SERGEF: variants seen among roughly 807,000 people sequenced by gnomAD.
SERGEF encodes secretion regulating guanine nucleotide exchange factor.
SERGEF carries 51 observed loss-of-function variants against 50.0 expected under a neutral mutation model. The observed-to-expected ratio is 1.02, with a 90% confidence interval of 0.81 to 1.29. SERGEF has a LOEUF of 1.29. SERGEF is among the 50% of genes most tolerant of loss of function. The pLI is 0.00. For synonymous variants in SERGEF, 205 were observed against 212.4 expected (o/e 0.97, Z 0.30); for missense variants, 521 against 557.0 (o/e 0.94, Z 0.65).
chr11:17,928,114 T>A (rs1228790916), intron 9 of SERGEF, among the ~76,000 whole-genome samples: 1 of 152,224 alleles, frequency 6.6e-6, no homozygotes, highest in South Asian at 2.1e-4. Flanking sequence ...GAACCAAGCA[T>A]TAGTGAATCC....
intron 9 of SERGEF, among the ~76,000 whole-genome samples, chr11:17,938,071 A>C (rs1044149956): frequency 2.0e-5 from 3 of 152,210 alleles, no homozygotes; most frequent in African/African-American, 7.2e-5. Context: ...TAACACCACA[A>C]GTAGTAAAAG....
In SERGEF at chr11:17,995,901, T is replaced by C. The variant is rs572283223; in HGVS notation, c.517A>G (p.Ile173Val). The stretch of plus-strand genomic sequence containing the variant: ...AAACCAGTCCCCCACTGGAACACGA[T>C]GCCACTCGCTTCCCAACAGAATGGA... The part of the protein sequence containing the change: ...RHAVAATASG[I>V]VFQWGTGLAS... Residue 173 changes from isoleucine to valine, a missense_variant, in exon 6 of 11, where the codon ATC (isoleucine) becomes GTC (valine). Ile to Val is a conservative substitution (Grantham distance 29). Coordinates refer to ENST00000265965, the MANE Select transcript of SERGEF (RefSeq NM_012139.4). The C allele has an allele frequency of 3.1e-6, 5 of 1,612,170 alleles. No individual in the cohort carries two copies. Among genetic ancestry groups the C allele is most frequent in the Non-Finnish European group, 4.2e-6 (5 of 1,178,418 alleles).
intron 9 of SERGEF, among the ~76,000 whole-genome samples, chr11:17,936,930 G>A (rs1472175475): frequency 1.3e-5 from 2 of 152,162 alleles, no homozygotes; most frequent in Non-Finnish European, 2.9e-5. Context: ...CCTAATCCTA[G>A]AAATCCTTCC....
At chr11:17,878,372 C>T in intron 9 of SERGEF, 128 bp from the exon 10 acceptor site, 1 of 643,840 alleles carries the variant, frequency 1.6e-6, no homozygotes, top group Non-Finnish European at 2.7e-6. Flanking sequence ...TAGAAAGAAG[C>T]ATCACATACA....
chr11:17,844,847 G>C (rs867697121), intron 10 of SERGEF, among the ~76,000 whole-genome samples: 1 of 151,750 alleles, frequency 6.6e-6, no homozygotes, highest in Middle Eastern at 3.4e-3. Context: ...GGGCCACACT[G>C]GAAGAAGAAT....
At chr11:17,843,700 C>T (rs1850549610) in intron 10 of SERGEF, among the ~76,000 whole-genome samples, 1 of 152,176 alleles carries the variant, frequency 6.6e-6, no homozygotes, top group Non-Finnish European at 1.5e-5. Context: ...ACCCACTGTT[C>T]ACTGAGCACT....
chr11:17,937,344 C>T (rs1852471498), intron 9 of SERGEF, among the ~76,000 whole-genome samples: 1 of 152,054 alleles, frequency 6.6e-6, no homozygotes, highest in Non-Finnish European at 1.5e-5. Flanking sequence ...TTAGCTTGGC[C>T]AACATAACCA....
intron 10 of SERGEF, among the ~76,000 whole-genome samples, chr11:17,875,627 G>A (rs758359061): frequency 6.6e-6 from 1 of 152,250 alleles, no homozygotes; most frequent in African/African-American, 2.4e-5. Context: ...AGTCTGTTTC[G>A]TCTCTACAAA....
chr11:17,904,173 G>T (rs1851797982), intron 9 of SERGEF, among the ~76,000 whole-genome samples: 2 of 152,210 alleles, frequency 1.3e-5, no homozygotes, highest in South Asian at 4.1e-4. Context: ...GGCTAATGAG[G>T]GCTCCAAGAA....
At chr11:17,932,973 A>G (rs537288901) in intron 9 of SERGEF, among the ~76,000 whole-genome samples, 2 of 152,344 alleles carry the variant, frequency 1.3e-5, no homozygotes, top group East Asian at 3.9e-4. Flanking sequence ...TTTAACTCCA[A>G]CTAAGTTTTA....
chr11:17,805,093 A>G (rs1849733633), intron 10 of SERGEF, among the ~76,000 whole-genome samples: 2 of 152,276 alleles, frequency 1.3e-5, no homozygotes, highest in Admixed American at 1.3e-4. Flanking sequence ...TAACAGTTTA[A>G]AATGAATTCA....
At chr11:17,920,773 A>C (rs1204884132) in intron 9 of SERGEF, among the ~76,000 whole-genome samples, 1 of 152,244 alleles carries the variant, frequency 6.6e-6, no homozygotes, top group Non-Finnish European at 1.5e-5. Context: ...CTACGTATGC[A>C]TAGAGATCCT....
intron 8 of SERGEF, among the ~76,000 whole-genome samples, chr11:17,959,935 G>A (rs961764512): frequency 3.9e-5 from 6 of 152,252 alleles, no homozygotes; most frequent in South Asian, 4.1e-4. Context: ...ATATGACTAC[G>A]GATATACTTC....
chr11:17,851,750 T>C (rs1850718602), intron 10 of SERGEF, among the ~76,000 whole-genome samples: 1 of 152,228 alleles, frequency 6.6e-6, no homozygotes, highest in Non-Finnish European at 1.5e-5. Context: ...CATGCATTAT[T>C]GCAGATTTTT....
intron 10 of SERGEF, among the ~76,000 whole-genome samples, chr11:17,837,944 C>T (rs964683995): frequency 3.3e-5 from 5 of 152,222 alleles, no homozygotes; most frequent in South Asian, 4.1e-4. Flanking sequence ...GGATTACAGG[C>T]GTGAGCCACC....
At chr11:17,835,619 C>T (rs1212462564) in intron 10 of SERGEF, among the ~76,000 whole-genome samples, 7 of 152,194 alleles carry the variant, frequency 4.6e-5, no homozygotes, top group African/African-American at 1.7e-4. Flanking sequence ...TAGCACAAAA[C>T]CTTGCTCATA....
intron 10 of SERGEF, 46 bp from the exon 11 acceptor site, chr11:17,788,459 AG>A (rs1277751241): frequency 8.0e-6 from 12 of 1,501,158 alleles, no homozygotes; most frequent in Non-Finnish European, 1.0e-5. Flanking sequence ...TTTGGATAAT[AG>A]GGCTGAAACA....
chr11:17,878,689 G>A (rs1851285714), intron 9 of SERGEF, among the ~76,000 whole-genome samples: 1 of 152,164 alleles, frequency 6.6e-6, no homozygotes, highest in Non-Finnish European at 1.5e-5. Context: ...ACTGGTCTGT[G>A]GAGAAATGTT....
intron 9 of SERGEF, among the ~76,000 whole-genome samples, chr11:17,922,570 T>C (rs1191672936): frequency 6.6e-6 from 1 of 152,144 alleles, no homozygotes; most frequent in Non-Finnish European, 1.5e-5. Context: ...TACTGGTCAG[T>C]TTTTGGCGTA....
Sources: gnomAD v4.1 joint callset for allele counts (sites outside exome capture counted in the v4.1 genomes callset) on GRCh38, gnomAD v4.1.1 for gene constraint, MANE v1.5 for transcripts, NCBI Gene and HGNC (gene_info 2026-07-23, HGNC 2026-07-21) for gene names.